Variants in MTUS1 observed in about 807,000 individuals in gnomAD.
MTUS1 encodes the protein microtubule associated scaffold protein 1.
In MTUS1, 109 loss-of-function variants were observed where a neutral mutation model predicts 120.8. The observed-to-expected ratio is 0.90, with a 90% CI of 0.77 to 1.06. MTUS1 has a LOEUF of 1.06. Ranked by LOEUF, MTUS1 falls within the 50% of genes least tolerant of loss-of-function variation. The pLI, the probability that MTUS1 is intolerant of heterozygous loss-of-function variation, is 0.00. For missense variants in MTUS1, 2,210 were observed against 1,486.3 expected, an observed-to-expected ratio of 1.49 and a Z score of -8.01; for synonymous variants, 737 against 550.5, an observed-to-expected ratio of 1.34 and a Z score of -4.74.
chr8:17,746,385 G>C (rs77079589), intron 2 of MTUS1, among the ~76,000 whole-genome samples: 3 of 152,232 alleles, frequency 2.0e-5, no homozygotes, highest in South Asian at 4.1e-4. Context: ...CGCTGATAAA[G>C]TCACACCTGA....
Position 17,671,395 on chromosome 8 carries a change from G to A in MTUS1, c.2905+3791C>T, listed in dbSNP as rs1049814138. 3.0e-4 allele frequency among the ~76,000 whole-genome samples: 46 copies of A among 152,064 alleles called. 1 individual carries two copies. The highest frequency in any genetic ancestry group is 1.5e-4 in the Non-Finnish European group (10 of 68,012). On this transcript the variant is annotated intron_variant, in intron 8 of 14. Transcript: ENST00000693296. ...ACAGAAAAGAATCCCTACAATTATG[G>A]ACTTTATACCTGAAGGTAACAAGAA... is the stretch of plus-strand genomic sequence containing the variant.
intron 1 of MTUS1, among the ~76,000 whole-genome samples, chr8:17,767,707 A>AAAAAAAAAAAACAAACAAACAAACAAAC (rs2049658448): frequency 6.9e-6 from 1 of 144,444 alleles, no homozygotes; most frequent in African/African-American, 2.6e-5. Context: ...TCTTAAAAAA[A>AAAAAAAAAAAACAAACAAACAAACAAAC]AAAAAAAAAA....
chr8:17,763,397 C>G (rs765188187), intron 1 of MTUS1, among the ~76,000 whole-genome samples: 2 of 152,182 alleles, frequency 1.3e-5, no homozygotes, highest in Non-Finnish European at 2.9e-5. Flanking sequence ...TAGAAAATAA[C>G]TGGAAATGCA....
intron 1 of MTUS1, among the ~76,000 whole-genome samples, chr8:17,768,688 A>G (rs1451362007): frequency 6.6e-6 from 1 of 152,204 alleles, no homozygotes; most frequent in Non-Finnish European, 1.5e-5. Context: ...TTATCAAGTG[A>G]CTTATAAGAA....
chr8:17,684,598 C>T, intron 6 of MTUS1, 56 bp from the exon 7 acceptor site: 1 of 1,399,566 alleles, frequency 7.1e-7, no homozygotes, highest in Non-Finnish European at 1.0e-6. Flanking sequence ...TTTAAAATCA[C>T]CACCACAAGG....
intron 1 of MTUS1, among the ~76,000 whole-genome samples, chr8:17,761,509 C>T (rs761075352): frequency 1.3e-5 from 2 of 152,146 alleles, no homozygotes; most frequent in Non-Finnish European, 2.9e-5. Context: ...TATACAATAG[C>T]TGTGTGCCTT....
rs538337545 is a variant in MTUS1 at position 17,773,915 on chromosome 8, C to G, written c.-154-17954G>C. ...GCATTTCTGAGGTGGAAGCCAGGGC[C>G]CACAGCACACTATATAAAAATAAGA... On this transcript the variant is annotated intron_variant, in intron 1 of 14. Coordinates refer to ENST00000693296, the MANE Select transcript of MTUS1 (RefSeq NM_001363059.2). Among the ~76,000 whole-genome samples, 117 of 152,180 alleles carry G rather than the reference C, an allele frequency of 7.7e-4. 1 individual carries two copies. Among genetic ancestry groups the G allele is most frequent in the African/African-American group, 2.7e-3 (114 of 41,520 alleles).
chr8:17,696,346 G>T (rs188410176), intron 6 of MTUS1, among the ~76,000 whole-genome samples: 2 of 152,134 alleles, frequency 1.3e-5, no homozygotes, highest in East Asian at 3.9e-4. Context: ...AATCACCAGG[G>T]ACAGAGATGA....
At chr8:17,720,238 G>A (rs755593715) in intron 4 of MTUS1, among the ~76,000 whole-genome samples, 62 of 151,934 alleles carry the variant, frequency 4.1e-4, no homozygotes, top group Non-Finnish European at 7.8e-4. Context: ...CCAGCTACTT[G>A]GGAGGTTCAG....
chr8:17,726,168 C>G (rs2046218219), intron 3 of MTUS1, among the ~76,000 whole-genome samples: 1 of 152,162 alleles, frequency 6.6e-6, no homozygotes, highest in East Asian at 1.9e-4. Flanking sequence ...TGAACCCTTG[C>G]TACTCATTTG....
intron 12 of MTUS1, among the ~76,000 whole-genome samples, chr8:17,650,399 T>C (rs1212260790): frequency 1.3e-5 from 2 of 152,150 alleles, no homozygotes; most frequent in African/African-American, 4.8e-5. Context: ...ACAACAGGGA[T>C]AACAATGTCC....
intron 13 of MTUS1, among the ~76,000 whole-genome samples, chr8:17,648,766 G>A (rs1445754278): frequency 6.6e-6 from 1 of 152,214 alleles, no homozygotes; most frequent in Non-Finnish European, 1.5e-5. Context: ...TCCAGGGCTG[G>A]TTTGGGTTTG....
At chr8:17,732,132 T>C (rs1209077861) in intron 3 of MTUS1, among the ~76,000 whole-genome samples, 1 of 152,176 alleles carries the variant, frequency 6.6e-6, no homozygotes, top group Non-Finnish European at 1.5e-5. Flanking sequence ...ACGGAACTCC[T>C]AGCAGCCATA....
chr8:17,690,227 C>T (rs1261966227), intron 6 of MTUS1, among the ~76,000 whole-genome samples: 1 of 152,122 alleles, frequency 6.6e-6, no homozygotes, highest in Non-Finnish European at 1.5e-5. Context: ...ACAGATGTTT[C>T]TCAAAAGAAG....
At chr8:17,712,487 C>G (rs1821512445) in intron 6 of MTUS1, among the ~76,000 whole-genome samples, 1 of 152,070 alleles carries the variant, frequency 6.6e-6, no homozygotes, top group Non-Finnish European at 1.5e-5. Flanking sequence ...CAGGAGCGTA[C>G]CACCACGTCC....
At chr8:17,690,575 C>T (rs1816753060) in intron 6 of MTUS1, among the ~76,000 whole-genome samples, 1 of 152,110 alleles carries the variant, frequency 6.6e-6, no homozygotes, top group African/African-American at 2.4e-5. Flanking sequence ...TATCTTATAA[C>T]AGAAATGAAA....
At chr8:17,773,506 A>C (rs569638308) in intron 1 of MTUS1, among the ~76,000 whole-genome samples, 2 of 152,312 alleles carry the variant, frequency 1.3e-5, no homozygotes, top group East Asian at 3.9e-4. Flanking sequence ...TAAGCCATCA[A>C]AGTTCATTTA....
intron 3 of MTUS1, 26 bp downstream of exon 3, chr8:17,743,578 A>C: frequency 2.5e-6 from 4 of 1,594,118 alleles, no homozygotes; most frequent in Non-Finnish European, 3.4e-6. Context: ...ATTAACTCAT[A>C]AACTATTGAA....
intron 7 of MTUS1, among the ~76,000 whole-genome samples, chr8:17,678,323 A>G (rs1427599913): frequency 6.6e-6 from 1 of 152,148 alleles, no homozygotes; most frequent in Non-Finnish European, 1.5e-5. Flanking sequence ...GGTTGATTCA[A>G]TTCTCTTTGT....
Sources: allele counts gnomAD v4.1 joint callset (sites outside exome capture counted in the v4.1 genomes callset), GRCh38; gene constraint gnomAD v4.1.1; transcripts MANE v1.5; gene names NCBI Gene and HGNC (gene_info 2026-07-23, HGNC 2026-07-21).